CENPK: variants seen among roughly 807,000 people sequenced by gnomAD.
CENPK encodes SoxLZ/Sox6-binding protein Solt.
A neutral mutation model predicts 40.9 loss-of-function variants in CENPK; 46 were observed. The ratio of observed to expected loss-of-function variants is 1.13; its 90% CI spans 0.89 to 1.44. The LOEUF (loss-of-function observed/expected upper bound fraction) is 1.44, where lower values mean the gene tolerates loss of function less well. CENPK is among the 40% of genes most tolerant of loss of function. The pLI, the probability that CENPK is intolerant of heterozygous loss-of-function variation, is 0.00. For synonymous variants in CENPK, 107 were observed against 104.4 expected (o/e 1.02, Z -0.15); for missense variants, 288 against 303.5 (o/e 0.95, Z 0.38).
At chr5:65,559,490 G>T (rs1351942006) in intron 2 of CENPK, among the ~76,000 whole-genome samples, 1 of 151,022 alleles carries the variant, frequency 6.6e-6, no homozygotes, top group African/African-American at 2.4e-5. Context: ...TTAGCCGGGC[G>T]TAGTGGCGGG....
intron 2 of CENPK, among the ~76,000 whole-genome samples, chr5:65,559,305 C>T (rs1281505170): frequency 6.6e-6 from 1 of 152,178 alleles, no homozygotes; most frequent in Non-Finnish European, 1.5e-5. Context: ...TTTTGTTTCT[C>T]TTTATGGGAC....
the CENPK span, among the ~76,000 whole-genome samples, chr5:65,505,992 G>A: frequency 1.3e-5 from 2 of 152,134 alleles, no homozygotes; most frequent in African/African-American, 2.4e-5. Context: ...CAGAAATTGT[G>A]TTGAAATTAT....
intron 5 of CENPK, among the ~76,000 whole-genome samples, chr5:65,548,403 T>A (rs959657247): frequency 1.7e-4 from 26 of 152,330 alleles, no homozygotes; most frequent in African/African-American, 6.3e-4. Flanking sequence ...AGGCCTTATC[T>A]CAGTGTTAAT....
intron 6 of CENPK, among the ~76,000 whole-genome samples, chr5:65,531,535 C>T (rs1221145960): frequency 2.7e-5 from 4 of 148,438 alleles, no homozygotes; most frequent in African/African-American, 7.5e-5. Context: ...GACGGAATCT[C>T]GCTCTGTCGT....
the CENPK span, among the ~76,000 whole-genome samples, chr5:65,502,411 A>G: frequency 1.3e-5 from 2 of 152,196 alleles, no homozygotes; most frequent in East Asian, 1.9e-4. Context: ...TAACATGTAT[A>G]TTACATATAA....
chr5:65,542,625 A>G (rs566807152), intron 6 of CENPK, among the ~76,000 whole-genome samples, 177 bp downstream of exon 6: 1 of 152,172 alleles, frequency 6.6e-6, no homozygotes, highest in African/African-American at 2.4e-5. Context: ...CAACAGAGCG[A>G]GACTCCGTTT....
chr5:65,519,118 G>C (rs1743233377), intron 10 of CENPK, among the ~76,000 whole-genome samples: 1 of 152,086 alleles, frequency 6.6e-6, no homozygotes, highest in South Asian at 2.1e-4. Context: ...GAGTATCCCT[G>C]ATCTTCGTTA....
intron 9 of CENPK, among the ~76,000 whole-genome samples, chr5:65,526,630 A>G (rs1365155692): frequency 3.3e-5 from 5 of 152,208 alleles, no homozygotes; most frequent in Non-Finnish European, 5.9e-5. Context: ...ATAGACATAA[A>G]TAACACTAAC....
At chr5:65,526,170 C>T (rs1744674072) in intron 9 of CENPK, among the ~76,000 whole-genome samples, 1 of 152,044 alleles carries the variant, frequency 6.6e-6, no homozygotes, top group African/African-American at 2.4e-5. Context: ...CCTCAAACCT[C>T]TGGTTCTATT....
intron 5 of CENPK, among the ~76,000 whole-genome samples, chr5:65,547,172 C>A (rs1436447789): frequency 1.3e-5 from 2 of 152,018 alleles, no homozygotes; most frequent in Non-Finnish European, 2.9e-5. Context: ...GCAGGAGGAT[C>A]ACCTGAGGTC....
chr5:65,508,255 T>C, the CENPK span, among the ~76,000 whole-genome samples: 1 of 152,242 alleles, frequency 6.6e-6, no homozygotes, highest in Admixed American at 6.5e-5. Flanking sequence ...ATTATTGCTG[T>C]GTGTCTACAA....
At position 65,519,280 on chromosome 5, in the gene CENPK, G is replaced by A. The variant is rs886285490; in HGVS notation, c.652-647C>T. Among the ~76,000 whole-genome samples, 6 of 152,150 alleles carry A rather than the reference G, an allele frequency of 3.9e-5. No individual in the cohort carries two copies. The South Asian group carries it at 1.2e-3, about 32-fold the overall frequency. On this transcript the variant is annotated intron_variant, in intron 10 of 10. Coordinates refer to ENST00000396679, the MANE Select transcript of CENPK (RefSeq NM_022145.5). ...CAAGGTTCTGTGATCAAACAAGCTTGGGAAAGCTAGCTAATGTGGATTGAG... is the reference window on the plus strand; with the variant it reads ...CAAGGTTCTGTGATCAAACAAGCTTAGGAAAGCTAGCTAATGTGGATTGAG...
intron 6 of CENPK, among the ~76,000 whole-genome samples, chr5:65,535,878 G>A (rs1196822241): frequency 6.6e-6 from 1 of 152,140 alleles, no homozygotes; most frequent in East Asian, 1.9e-4. Context: ...GAAACATAAG[G>A]AAAGCACTGT....
the CENPK span, among the ~76,000 whole-genome samples, chr5:65,504,278 GA>G: frequency 4.0e-5 from 6 of 151,686 alleles, no homozygotes; most frequent in Admixed American, 6.6e-5. Flanking sequence ...CTAACATGGT[GA>G]AACCCCATCT....
chr5:65,532,814 C>T (rs552895032), intron 6 of CENPK, among the ~76,000 whole-genome samples: 94 of 134,618 alleles, frequency 7.0e-4, no homozygotes, highest in African/African-American at 2.6e-3. Flanking sequence ...GAGGCTGAAG[C>T]AGGAGAATTG....
At chr5:65,550,220 T>A (rs1561682195) in intron 5 of CENPK, among the ~76,000 whole-genome samples, 1 of 151,558 alleles carries the variant, frequency 6.6e-6, no homozygotes, top group Non-Finnish European at 1.5e-5. Context: ...CATTCACAAC[T>A]TGGCTAACTG....
At chr5:65,514,271 T>A (rs1742709276), downstream of CENPK, among the ~76,000 whole-genome samples, 1 of 95,474 alleles carries the variant, frequency 1.0e-5, no homozygotes, top group Admixed American at 1.1e-4. Flanking sequence ...TAGTTTTTTT[T>A]AGTTTTTTTT....
rs573936085 is a variant in CENPK, at chr5:65,546,067, C to T, written c.242-3219G>A. Among the ~76,000 whole-genome samples, 145 of 152,218 alleles carry T rather than the reference C, an allele frequency of 9.5e-4. 1 individual carries two copies. Among genetic ancestry groups the T allele is most frequent in the Non-Finnish European group, 1.6e-3 (112 of 68,026 alleles). On this transcript the variant is annotated intron_variant, in intron 5 of 10. Transcript: ENST00000396679. ...TAAGTTTGAAAACTTCTATCATTGC[C>T]AGGGTGGGGGAAACCCATTGAGGCC...
intron 5 of CENPK, among the ~76,000 whole-genome samples, chr5:65,545,429 T>A (rs1748757470): frequency 6.6e-6 from 1 of 150,444 alleles, no homozygotes; most frequent in Non-Finnish European, 1.5e-5. Flanking sequence ...ACATTTCTCA[T>A]CAGTACCAAG....
Sources: allele counts gnomAD v4.1 joint callset (sites outside exome capture counted in the v4.1 genomes callset), GRCh38; gene constraint gnomAD v4.1.1; transcripts MANE v1.5; gene names NCBI Gene and HGNC (gene_info 2026-07-23, HGNC 2026-07-21).